The following SERPINB3 variants were observed in gnomAD, a reference collection of about 807,000 sequenced individuals.
SERPINB3 encodes serpin B3.
SERPINB3 carries 33 observed loss-of-function variants against 33.0 expected under a neutral mutation model. The ratio of observed to expected loss-of-function variants is 1.00; its 90% CI spans 0.76 to 1.34. The LOEUF (loss-of-function observed/expected upper bound fraction) is 1.34, where lower values mean the gene tolerates loss of function less well. Among genes scored for constraint, SERPINB3 ranks in the 40% most tolerant of loss-of-function variants. SERPINB3 has a pLI of 0.00. For synonymous variants in SERPINB3, 200 were observed against 170.9 expected (o/e 1.17, Z -1.33); for missense variants, 518 against 461.5 (o/e 1.12, Z -1.12).
intron 5 of SERPINB3, 81 bp downstream of exon 5, chr18:63,658,432 T>C (rs1913553461): frequency 3.4e-6 from 4 of 1,175,256 alleles, no homozygotes; most frequent in Non-Finnish European, 5.0e-6. Flanking sequence ...TTCCCACCCA[T>C]GGTCCCCCAT....
chr18:63,659,318 G>A, intron 4 of SERPINB3, 81 bp downstream of exon 4: 1 of 1,478,478 alleles, frequency 6.8e-7, no homozygotes, highest in Non-Finnish European at 9.4e-7. Context: ...AGGCTCATCT[G>A]CCTTGCTTTC....
chr18:63,656,289 T>C (rs1278702404), intron 7 of SERPINB3, among the ~76,000 whole-genome samples: 2 of 150,596 alleles, frequency 1.3e-5, no homozygotes, highest in Non-Finnish European at 2.9e-5. Flanking sequence ...TTTATGTATA[T>C]GTAATGTGTA....
At position 63,655,306 on chromosome 18, in the gene SERPINB3, G is replaced by T. The variant is rs1241697034; in HGVS notation, c.*351C>A. The T allele has an allele frequency of 5.5e-6, 1 of 182,100 alleles. No individual in the cohort carries two copies. The highest frequency in any genetic ancestry group is 1.1e-5 in the Non-Finnish European group (1 of 87,188). The allele number at this position is 182,100 out of a possible 1,614,324, so 11.3% of individuals were successfully genotyped here. On this transcript the variant is annotated 3_prime_UTR_variant, in exon 8 of 8. Transcript: ENST00000283752. The stretch of plus-strand genomic sequence containing the variant: ...AATTCAAAGAAATGTGTGTTTCTAG[G>T]TTGCTAAATTCAAAGAAAAAGTATG...
At position 63,657,269 on chromosome 18, in the gene SERPINB3, C is replaced by T. The variant is rs775142213; in HGVS notation, c.612+1G>A. 8.6e-6 allele frequency: 13 copies of T among 1,511,712 alleles called. No individual in the cohort carries two copies. Among genetic ancestry groups the T allele is most frequent in the Non-Finnish European group, 1.1e-5 (12 of 1,098,826 alleles). 93.6% of individuals were successfully genotyped at this position (1,511,712 alleles called of 1,614,324 possible). A position where few individuals can be genotyped will look rare whatever the true frequency, so the allele number is the denominator to read the frequency against. On this transcript the variant is annotated splice_donor_variant, in intron 6 of 7. Transcript: ENST00000283752. LOFTEE classifies it high-confidence loss of function. ...TTATATAAATAAAATATAGACAATA[C>T]CTTGTTTGGCCAAAATTTTTCCTCT... is the stretch of plus-strand genomic sequence containing the variant.
At chr18:63,658,761 C>G (rs548423524) in intron 4 of SERPINB3, 131 bp from the exon 5 acceptor site, 78 of 707,334 alleles carry the variant, frequency 1.1e-4, no homozygotes, top group South Asian at 8.8e-4. Flanking sequence ...CCTGTCCATG[C>G]ATATTTTTAT....
chr18:63,657,071 T>A (rs1913517890), intron 6 of SERPINB3, 85 bp from the exon 7 acceptor site: 1 of 1,211,254 alleles, frequency 8.3e-7, no homozygotes. Flanking sequence ...CACATCCTTC[T>A]TTTAAGAAAT....
Position 63,660,865 on chromosome 18 carries a change from G to A in SERPINB3, c.166-9C>T, listed in dbSNP as rs372402605. ...TGATCAAAGTGAAGAACCTGGAAGA[G>A]ACATGAAGCGGGACAAGAAAACTTT... is the stretch of plus-strand genomic sequence containing the variant. On this transcript the variant is annotated splice_polypyrimidine_tract_variant and intron_variant, in intron 2 of 7. Coordinates refer to ENST00000283752, the MANE Select transcript of SERPINB3 (RefSeq NM_006919.3). The A allele has an allele frequency of 1.9e-6, 3 of 1,613,182 alleles. No homozygotes were observed. The highest frequency in any genetic ancestry group is 2.5e-6 in the Non-Finnish European group (3 of 1,179,580).
chr18:63,660,602 T>C lies in SERPINB3; in HGVS notation c.222+198A>G, dbSNP rs1203579470. 7 of 666,052 alleles carry C rather than the reference T, an allele frequency of 1.1e-5. No individual in the cohort carries two copies. In the Admixed American group the frequency reaches 1.5e-4, roughly 15 times the overall value. The allele number at this position is 666,052 out of a possible 1,614,324, so 41.3% of individuals were successfully genotyped here. On this transcript the variant is annotated intron_variant, in intron 3 of 7. Transcript: ENST00000283752. Reference sequence around the variant, plus strand: ...TCCAGACCTATGCTCTGAGGTACAGTGCTGACTGTCTTTCAGTAACGAAGA... The same window carrying C: ...TCCAGACCTATGCTCTGAGGTACAGCGCTGACTGTCTTTCAGTAACGAAGA...
intron 6 of SERPINB3, 46 bp from the exon 7 acceptor site, chr18:63,657,032 G>A (rs1273521143): frequency 6.7e-6 from 10 of 1,499,870 alleles, no homozygotes; most frequent in Admixed American, 1.8e-5. Flanking sequence ...GAGACACAAG[G>A]CAAAAAGATA....
rs61703421 is a variant in SERPINB3 at position 63,655,615 on chromosome 18, G to C, written c.*42C>G. ...CAGCAATCAGTTTACCAGAACATCTGCAGGTGAACATTTTCCAAATGGAGT... is the reference window on the plus strand; with the variant it reads ...CAGCAATCAGTTTACCAGAACATCTCCAGGTGAACATTTTCCAAATGGAGT... On this transcript the variant is annotated 3_prime_UTR_variant, in exon 8 of 8. Transcript: ENST00000283752. The C allele has an allele frequency of 0.16, 254,618 of 1,549,846 alleles. 21,777 individuals carry two copies. The highest frequency in any genetic ancestry group is 0.23 in the Middle Eastern group (1,349 of 5,748).
In SERPINB3 at chr18:63,657,309, A is replaced by T; in HGVS notation, c.573T>A (p.Asn191Lys). ...YFKGQWEKKF[N>K]KEDTKEEKFW... Reference sequence around the variant, plus strand: ...ATTTTTCCTCTTTAGTATCTTCTTTATTAAATTTCTTCTCCCACTGCCCTT... The same window carrying T: ...ATTTTTCCTCTTTAGTATCTTCTTTTTTAAATTTCTTCTCCCACTGCCCTT... The change falls in exon 6 of 8, where the codon AAT (asparagine) becomes AAA (lysine). Residue 191 changes from asparagine (N) to lysine (K), a missense_variant. Asn to Lys is a moderately conservative substitution (Grantham distance 94, BLOSUM62 0). Transcript: ENST00000283752. 2 of 1,605,626 alleles carry T rather than the reference A, an allele frequency of 1.2e-6. No homozygotes were observed. Among genetic ancestry groups the T allele is most frequent in the South Asian group, 1.1e-5 (1 of 89,934 alleles).
chr18:63,659,292 TC>T, intron 4 of SERPINB3, 106 bp downstream of exon 4: 4 of 1,257,706 alleles, frequency 3.2e-6, no homozygotes, highest in Non-Finnish European at 4.6e-6. Context: ...GTAAATGCTC[TC>T]CACCTGGATC....
At position 63,655,818 on chromosome 18, in the gene SERPINB3, C is replaced by T. The variant is rs995894588; in HGVS notation, c.1012G>A (p.Glu338Lys). 1 of 1,613,992 alleles carries T rather than the reference C, an allele frequency of 6.2e-7. No homozygotes were observed. The highest frequency in any genetic ancestry group is 8.5e-7 in the Non-Finnish European group (1 of 1,179,960). ...VLHKAFVEVT[E>K]EGAEAAAATA... is the part of the protein sequence containing the mutation. The stretch of plus-strand genomic sequence containing the variant: ...GCAGCTGCAGCTTCTGCTCCCTCCT[C>T]TGTAACCTCCACAAAGGCCTTGTGT... Residue 338 changes from glutamate to lysine, a missense_variant, in exon 8 of 8, where the codon GAG becomes AAG. Physicochemically the swap from Glu to Lys is moderately conservative, Grantham distance 56. Coordinates refer to ENST00000283752, the MANE Select transcript of SERPINB3 (RefSeq NM_006919.3).
chr18:63,659,667 T>G, intron 3 of SERPINB3, 140 bp from the exon 4 acceptor site: 1 of 1,176,038 alleles, frequency 8.5e-7, no homozygotes. Context: ...ACTTGGTGTA[T>G]TTCACCTCAA....
chr18:63,656,847 A>T lies in SERPINB3; in HGVS notation c.752T>A (p.Ile251Asn). 6.2e-7 allele frequency: 1 copy of T among 1,610,384 alleles called. No homozygotes were observed. Among genetic ancestry groups the T allele is most frequent in the Non-Finnish European group, 8.5e-7 (1 of 1,177,586 alleles). The change falls in exon 7 of 8, where the codon ATC (isoleucine) becomes AAC (asparagine). Residue 251 changes from isoleucine to asparagine, a missense_variant. Transcript: ENST00000283752. ...AGTTCTTACCTTCTGGAGACCATCG[A>T]TTTCATTTGGCAGCAACACAATCAT... The part of the protein sequence containing the change: ...LSMIVLLPNE[I>N]DGLQKLEEKL...
In SERPINB3 at chr18:63,656,961, A is replaced by T; in HGVS notation, c.638T>A (p.Met213Lys). The change falls in exon 7 of 8, where the codon ATG becomes AAG. Residue 213 changes from methionine to lysine, a missense_variant. Transcript: ENST00000283752. ...AAAATGAAAAGATGTGTATTGCCTC[A>T]TCATCTGTATGGACTTGTATGTATT... Reference protein sequence around the residue: ...NKNTYKSIQMMRQYTSFHFAS... With the variant: ...NKNTYKSIQMKRQYTSFHFAS... The T allele has an allele frequency of 6.2e-7, 1 of 1,612,686 alleles. No homozygotes were observed. Among genetic ancestry groups the T allele is most frequent in the Non-Finnish European group, 8.5e-7 (1 of 1,179,134 alleles).
At chr18:63,661,297 T>A (rs998601539) in intron 1 of SERPINB3, 55 bp from the exon 2 acceptor site, 5 of 1,499,876 alleles carry the variant, frequency 3.3e-6, no homozygotes, top group African/African-American at 1.4e-5. Context: ...AATGGTATTT[T>A]GTAGTACAAT....
At chr18:63,657,177 A>G (rs1306722409) in intron 6 of SERPINB3, 93 bp downstream of exon 6, 4 of 911,240 alleles carry the variant, frequency 4.4e-6, no homozygotes, top group Admixed American at 6.3e-5. Context: ...ACAGACATGA[A>G]CAATTTTATT....
In SERPINB3 at chr18:63,655,736, C is replaced by T. The variant is rs769288329; in HGVS notation, c.1094G>A (p.Cys365Tyr). ...TATGAAGAATAGGAAAGGGTGATTA[C>T]AATGGAACTCTTCATTAGTTGAAGT... is the stretch of plus-strand genomic sequence containing the variant. ...SPTSTNEEFH[C>Y]NHPFLFFIRQ... The change falls in exon 8 of 8, where the codon TGT becomes TAT. Residue 365 changes from cysteine (C) to tyrosine (Y), a missense_variant. Physicochemically the swap from Cys to Tyr is radical, Grantham distance 194. Transcript: ENST00000283752. 1.1e-5 allele frequency: 18 copies of T among 1,613,926 alleles called. No individual in the cohort carries two copies. The highest frequency in any genetic ancestry group is 1.7e-5 in the Admixed American group (1 of 59,980).
Sources: gnomAD v4.1 joint callset for allele counts (sites outside exome capture counted in the v4.1 genomes callset) on GRCh38, gnomAD v4.1.1 for gene constraint, MANE v1.5 for transcripts, NCBI Gene and HGNC (gene_info 2026-07-23, HGNC 2026-07-21) for gene names.